Variants in ODAD2 observed in about 807,000 individuals in gnomAD.
The protein encoded by ODAD2 is outer dynein arm docking complex subunit 2.
ODAD2 carries 89 observed loss-of-function variants against 106.8 expected under a neutral mutation model. That is an observed-to-expected ratio of 0.83 (90% CI 0.70 to 0.99). ODAD2 has a LOEUF of 0.99. ODAD2 is among the 50% of genes least tolerant of loss of function. ODAD2 has a pLI of 0.00. For missense variants in ODAD2, 1,168 were observed against 1,238.5 expected, an observed-to-expected ratio of 0.94 and a Z score of 0.85; for synonymous variants, 404 against 436.2, an observed-to-expected ratio of 0.93 and a Z score of 0.92.
intron 15 of ODAD2, among the ~76,000 whole-genome samples, chr10:27,936,116 T>C (rs557477369): frequency 6.6e-6 from 1 of 152,296 alleles, no homozygotes; most frequent in African/African-American, 2.4e-5. Context: ...CGTGAATCTC[T>C]TGTTAAAGGA....
chr10:27,814,024 T>A (rs146752098), intron 19 of ODAD2, among the ~76,000 whole-genome samples: 7 of 152,266 alleles, frequency 4.6e-5, no homozygotes, highest in African/African-American at 1.7e-4. Flanking sequence ...TCCAGATGGA[T>A]TAATGATGTT....
At chr10:27,984,341 G>A (rs1430383955) in intron 4 of ODAD2, 51 bp from the exon 5 acceptor site, 10 of 1,188,844 alleles carry the variant, frequency 8.4e-6, no homozygotes, top group Non-Finnish European at 1.1e-5. Context: ...CAGAATCTAG[G>A]AAACACATGA....
rs537556542 is a variant in ODAD2 at position 27,980,799 on chromosome 10, T to C, written c.936+667A>G. Among the ~76,000 whole-genome samples the C allele has an allele frequency of 5.3e-5, 8 of 152,198 alleles. No individual in the cohort carries two copies. In the South Asian group the frequency reaches 1.2e-3, roughly 24 times the overall value. On this transcript the variant is annotated intron_variant, in intron 7 of 19. Transcript: ENST00000305242. ...CCAAAAGTTAAATACAGAATTACCA[T>C]ATGACCCAGAAATTCCACTTTTAGG...
At chr10:27,871,927 A>G (rs1417683573) in intron 17 of ODAD2, among the ~76,000 whole-genome samples, 1 of 152,154 alleles carries the variant, frequency 6.6e-6, no homozygotes. Flanking sequence ...ATGGTATTAA[A>G]TCTATAAATT....
rs114809817 is a variant in ODAD2 at position 27,878,821 on chromosome 10, C to T, written c.2611-16199G>A. ...TGTGTTCCTCTATCACAATAAGATC[C>T]TTGTTCTGTTCCCAGTTGTTAACAA... On this transcript the variant is annotated intron_variant, in intron 17 of 19. Transcript: ENST00000305242. 1.4e-3 allele frequency among the ~76,000 whole-genome samples: 212 copies of T among 152,156 alleles called. 1 individual carries two copies. The highest frequency in any genetic ancestry group is 4.9e-3 in the African/African-American group (203 of 41,528).
intron 19 of ODAD2, among the ~76,000 whole-genome samples, chr10:27,820,850 T>G (rs2132859075): frequency 6.7e-6 from 1 of 149,010 alleles, no homozygotes; most frequent in African/African-American, 2.5e-5. Flanking sequence ...TGGTGTGATC[T>G]CAGCTCACTG....
Position 27,985,305 on chromosome 10 carries a change from T to C in ODAD2, c.383-94A>G. 4 of 1,032,280 alleles carry C rather than the reference T, an allele frequency of 3.9e-6. No homozygotes were observed. In the South Asian group the frequency reaches 5.7e-5, roughly 15 times the overall value. 63.9% of individuals were successfully genotyped at this position (1,032,280 alleles called of 1,614,324 possible). ...GACTAATAAATCCTTCAAAGTCCAT[T>C]CAGACGTGTTTCTTTCATTAAGCTT... On this transcript the variant is annotated intron_variant, in intron 3 of 19. Transcript: ENST00000305242.
intron 7 of ODAD2, among the ~76,000 whole-genome samples, chr10:27,974,160 T>C (rs1057009404): frequency 1.3e-5 from 2 of 152,244 alleles, no homozygotes; most frequent in African/African-American, 4.8e-5. Flanking sequence ...CCATTCTTTA[T>C]GGATGCTGGA....
intron 19 of ODAD2, among the ~76,000 whole-genome samples, chr10:27,855,667 C>T (rs957548653): frequency 2.6e-5 from 4 of 152,132 alleles, no homozygotes; most frequent in South Asian, 2.1e-4. Context: ...GCTTCAAAAA[C>T]GATGGGTGTG....
At chr10:27,855,160 G>A (rs1839573003) in intron 19 of ODAD2, among the ~76,000 whole-genome samples, 1 of 152,070 alleles carries the variant, frequency 6.6e-6, no homozygotes, top group South Asian at 2.1e-4. Flanking sequence ...ATGTGCATGT[G>A]TATGTCAATT....
chr10:27,958,681 G>T (rs1040748464), intron 10 of ODAD2, among the ~76,000 whole-genome samples: 2 of 152,194 alleles, frequency 1.3e-5, no homozygotes, highest in Admixed American at 1.3e-4. Context: ...CAATAGAAAT[G>T]ATTATTATTG....
intron 17 of ODAD2, among the ~76,000 whole-genome samples, chr10:27,902,992 CA>C (rs890781129): frequency 6.6e-6 from 1 of 151,622 alleles, no homozygotes; most frequent in Non-Finnish European, 1.5e-5. Context: ...AGAGACACAA[CA>C]AAAAAAAGAA....
chr10:27,944,369 A>G lies in ODAD2; in HGVS notation c.1596T>C (p.Val532=). 1 of 1,614,094 alleles carries G rather than the reference A, an allele frequency of 6.2e-7. No homozygotes were observed. The highest frequency in any genetic ancestry group is 1.3e-5 in the African/African-American group (1 of 75,062). The change falls in exon 12 of 20, where the codon GTT becomes GTC. Residue 532 remains valine, a synonymous_variant. Transcript: ENST00000305242. The stretch of plus-strand genomic sequence containing the variant: ...CCATAATTGGTAAGCCCCCAAGGTC[A>G]ACAATATTCTGTCTGATTTGAGGAT... The part of the protein sequence containing the change: ...SHNPQIRQNI[V]DLGGLPIMVN...
chr10:27,819,635 G>A (rs1425067652), intron 19 of ODAD2, among the ~76,000 whole-genome samples: 1 of 148,040 alleles, frequency 6.8e-6, no homozygotes, highest in East Asian at 2.0e-4. Context: ...ACGTGCGCCT[G>A]TAGTCTAGGT....
rs1457011076 is a variant in ODAD2 at position 27,921,156 on chromosome 10, GA to G, written c.2496-13380del. The stretch of plus-strand genomic sequence containing the variant: ...CCTGGGCACTTACAAAATATTAATA[GA>G]AATACCTGTTCCTTAATTTCCTTGA... On this transcript the variant is annotated intron_variant, in intron 16 of 19. Transcript: ENST00000305242. 3.3e-5 allele frequency among the ~76,000 whole-genome samples: 5 copies of G among 152,090 alleles called. No homozygotes were observed. In the East Asian group the frequency reaches 5.8e-4, roughly 18 times the overall value.
chr10:27,892,320 A>T (rs1842617226), intron 17 of ODAD2, among the ~76,000 whole-genome samples: 1 of 152,186 alleles, frequency 6.6e-6, no homozygotes, highest in African/African-American at 2.4e-5. Context: ...ATTTTTTATG[A>T]CTAGTTCACT....
At chr10:27,993,974 A>ATATG (rs369833558) in intron 2 of ODAD2, among the ~76,000 whole-genome samples, 6,250 of 140,552 alleles carry the variant, frequency 0.044, 153 homozygotes, top group Non-Finnish European at 0.058. Flanking sequence ...ATATATATAT[A>ATATG]TGTGTGTGTG....
Position 27,981,564 on chromosome 10 carries a change from C to T in ODAD2, c.838G>A (p.Gly280Arg). The T allele has an allele frequency of 1.3e-6, 2 of 1,544,146 alleles. No individual in the cohort carries two copies. Among genetic ancestry groups the T allele is most frequent in the Non-Finnish European group, 1.7e-6 (2 of 1,157,944 alleles). The change falls in exon 7 of 20, where the codon GGG (glycine) becomes AGG (arginine). Residue 280 changes from glycine to arginine, a missense_variant. Around this residue, in one of 3 missense-constraint regions of ODAD2, gnomAD observed 430 missense variants for 452.2 expected, o/e 0.95. Coordinates refer to ENST00000305242, the MANE Select transcript of ODAD2 (RefSeq NM_018076.5). ...FLNGGKTDDE[G>R]DVNYERKGSI... Reference sequence around the variant, plus strand: ...CCTTTTCTCTCATAATTAACGTCCCCTTCATCATCTGTTTTGCCCTTTGGG... The same window carrying T: ...CCTTTTCTCTCATAATTAACGTCCCTTTCATCATCTGTTTTGCCCTTTGGG...
chr10:27,973,769 G>A (rs561128981), intron 7 of ODAD2, among the ~76,000 whole-genome samples: 4 of 152,004 alleles, frequency 2.6e-5, no homozygotes, highest in South Asian at 2.1e-4. Context: ...GTCTTTATGC[G>A]ATGATTTATA....
Sources: allele counts gnomAD v4.1 joint callset (sites outside exome capture counted in the v4.1 genomes callset), GRCh38; gene constraint gnomAD v4.1.1; regional missense constraint gnomAD v4.1.1; transcripts MANE v1.5; gene names NCBI Gene and HGNC (gene_info 2026-07-23, HGNC 2026-07-21).